The following SPAG16 variants were observed in gnomAD, a reference collection of about 807,000 sequenced individuals.
SPAG16 encodes sperm associated antigen 16.
A neutral mutation model predicts 80.4 loss-of-function variants in SPAG16; 86 were observed. The observed-to-expected ratio is 1.07, with a 90% CI of 0.90 to 1.28. The LOEUF is 1.28. Among genes scored for constraint, SPAG16 ranks in the 50% most tolerant of loss-of-function variants. SPAG16 has a pLI of 0.00. For missense variants in SPAG16, 870 were observed against 765.3 expected (o/e 1.14, Z -1.61); for synonymous variants, 294 against 265.9 (o/e 1.11, Z -1.03).
intron 10 of SPAG16, among the ~76,000 whole-genome samples, chr2:213,800,859 A>T (rs2071352865): frequency 6.6e-6 from 1 of 152,148 alleles, no homozygotes; most frequent in Admixed American, 6.5e-5. Flanking sequence ...ATATTATGCT[A>T]TGCTTTCTAC....
chr2:214,149,896 A>T (rs966401234), intron 15 of SPAG16, among the ~76,000 whole-genome samples: 2 of 152,052 alleles, frequency 1.3e-5, no homozygotes, highest in Non-Finnish European at 2.9e-5. Context: ...CAATAATTCC[A>T]GTTGTCCATT....
chr2:213,548,650 T>C (rs2076692091), intron 10 of SPAG16, among the ~76,000 whole-genome samples: 1 of 152,214 alleles, frequency 6.6e-6, no homozygotes, highest in South Asian at 2.1e-4. Context: ...TTGTGCTTTC[T>C]GTTCTGTAGA....
intron 10 of SPAG16, among the ~76,000 whole-genome samples, chr2:213,730,422 G>A (rs1037000108): frequency 3.9e-5 from 6 of 152,296 alleles, no homozygotes; most frequent in Non-Finnish European, 2.9e-5. Flanking sequence ...TAATTGGATT[G>A]TCTTGACTTT....
intron 13 of SPAG16, among the ~76,000 whole-genome samples, chr2:214,019,946 T>C (rs2047776025): frequency 6.6e-6 from 1 of 152,204 alleles, no homozygotes; most frequent in African/African-American, 2.4e-5. Context: ...ATATATTCTA[T>C]ATAACTATAG....
At chr2:213,540,537 ATTTCT>A (rs2076410379) in intron 10 of SPAG16, among the ~76,000 whole-genome samples, 1 of 152,060 alleles carries the variant, frequency 6.6e-6, no homozygotes, top group Non-Finnish European at 1.5e-5. Flanking sequence ...TTCTGTCATT[ATTTCT>A]TTTCATCTTT....
intron 5 of SPAG16, among the ~76,000 whole-genome samples, chr2:213,325,882 G>A (rs1050201490): frequency 6.6e-6 from 1 of 151,910 alleles, no homozygotes; most frequent in South Asian, 2.1e-4. Context: ...CTATCTCTGT[G>A]CCTGGTACAT....
At chr2:213,403,002 C>T (rs2068407243) in intron 9 of SPAG16, among the ~76,000 whole-genome samples, 1 of 151,986 alleles carries the variant, frequency 6.6e-6, no homozygotes, top group African/African-American at 2.4e-5. Flanking sequence ...GGAATCGCCA[C>T]ACTGACTTCC....
intron 11 of SPAG16, among the ~76,000 whole-genome samples, chr2:213,887,514 G>A (rs2076606365): frequency 6.6e-6 from 1 of 151,826 alleles, no homozygotes; most frequent in African/African-American, 2.4e-5. Flanking sequence ...ATCAGGTGAT[G>A]AAACATGTAA....
At chr2:214,204,747 T>C (rs989940687) in intron 15 of SPAG16, among the ~76,000 whole-genome samples, 1 of 152,134 alleles carries the variant, frequency 6.6e-6, no homozygotes, top group Non-Finnish European at 1.5e-5. Flanking sequence ...AAAACAATTC[T>C]GGTAATATGA....
intron 10 of SPAG16, among the ~76,000 whole-genome samples, chr2:213,725,138 T>C (rs1329902075): frequency 6.6e-6 from 1 of 151,996 alleles, no homozygotes; most frequent in Non-Finnish European, 1.5e-5. Flanking sequence ...GCTCAGGTGA[T>C]ACTCCCACCT....
intron 15 of SPAG16, among the ~76,000 whole-genome samples, chr2:214,383,989 ACT>A (rs1185430422): frequency 6.6e-6 from 1 of 152,124 alleles, no homozygotes; most frequent in Non-Finnish European, 1.5e-5. Flanking sequence ...TTACTTTTTT[ACT>A]CCAGGTGATT....
chr2:213,589,791 G>T (rs1249304357), intron 10 of SPAG16, among the ~76,000 whole-genome samples: 1 of 151,976 alleles, frequency 6.6e-6, no homozygotes, highest in African/African-American at 2.4e-5. Flanking sequence ...GCATAGTGGT[G>T]CACACCTGTA....
intron 10 of SPAG16, among the ~76,000 whole-genome samples, chr2:213,684,752 A>G (rs917333584): frequency 3.3e-5 from 5 of 152,208 alleles, no homozygotes; most frequent in African/African-American, 1.2e-4. Context: ...CTTATCCATT[A>G]TGTAACAAAT....
chr2:213,574,178 A>T (rs1257512647), intron 10 of SPAG16, among the ~76,000 whole-genome samples: 1 of 152,202 alleles, frequency 6.6e-6, no homozygotes, highest in African/African-American at 2.4e-5. Flanking sequence ...CTTTCACCAT[A>T]GTACTTTGTA....
At chr2:213,422,533 G>A in intron 9 of SPAG16, 1 of 478,014 alleles carries the variant, frequency 2.1e-6, no homozygotes, top group South Asian at 3.4e-5. Context: ...GGCCGAGTGG[G>A]CAGAATGAGC....
intron 10 of SPAG16, among the ~76,000 whole-genome samples, chr2:213,496,728 G>A (rs1414743939): frequency 1.3e-5 from 2 of 150,266 alleles, no homozygotes; most frequent in Admixed American, 6.7e-5. Flanking sequence ...TATATATAAT[G>A]CTTAAGTACT....
intron 15 of SPAG16, among the ~76,000 whole-genome samples, chr2:214,297,516 C>T (rs1214414112): frequency 6.6e-6 from 1 of 152,136 alleles, no homozygotes; most frequent in East Asian, 1.9e-4. Context: ...GGTATGGGTC[C>T]AGTTTCATTC....
intron 5 of SPAG16, among the ~76,000 whole-genome samples, chr2:213,329,641 TGTG>T (rs983337119): frequency 1.5e-4 from 23 of 152,172 alleles, no homozygotes; most frequent in Non-Finnish European, 2.9e-4. Flanking sequence ...AGCTTGATGA[TGTG>T]GTAGAGAAGG....
At chr2:214,111,961 T>A (rs898097325) in intron 14 of SPAG16, among the ~76,000 whole-genome samples, 3 of 152,180 alleles carry the variant, frequency 2.0e-5, no homozygotes, top group Non-Finnish European at 4.4e-5. Flanking sequence ...TTGTGATTTT[T>A]GCACATTGAT....
Sources: gnomAD v4.1 joint callset for allele counts (sites outside exome capture counted in the v4.1 genomes callset) on GRCh38, gnomAD v4.1.1 for gene constraint, MANE v1.5 for transcripts, NCBI Gene and HGNC (gene_info 2026-07-23, HGNC 2026-07-21) for gene names.